Variants in LAT2 observed in about 807,000 individuals in gnomAD.
The protein encoded by LAT2 is linker for activation of T cells family member 2.
In LAT2, 23 loss-of-function variants were observed where a neutral mutation model predicts 43.4. That is an observed-to-expected ratio of 0.53 (90% CI 0.38 to 0.75). The LOEUF is 0.75. LAT2 is among the 30% of genes least tolerant of loss of function. LAT2 has a pLI of 0.00. For synonymous variants in LAT2, 128 were observed against 123.2 expected (o/e 1.04, Z -0.26); for missense variants, 284 against 310.2 (o/e 0.92, Z 0.64).
Position 74,224,669 on chromosome 7 carries a change from C to T in LAT2, c.659C>T (p.Pro220Leu), listed in dbSNP as rs781859231. Reference sequence around the variant, plus strand: ...CTCCAGAGAGAAGCATCCCCTGGCCCGGTGGGAAGCCCAGACGAGGAGGAC... The same window carrying T: ...CTCCAGAGAGAAGCATCCCCTGGCCTGGTGGGAAGCCCAGACGAGGAGGAC... ...GQLQREASPG[P>L]VGSPDEEDGE... Residue 220 changes from proline (P) to leucine (L), a missense_variant, in exon 13 of 14, where the codon CCG becomes CTG. Physicochemically the swap from Pro to Leu is moderately conservative, Grantham distance 98. Transcript: ENST00000460943. 13 of 1,607,188 alleles carry T rather than the reference C, an allele frequency of 8.1e-6. No homozygotes were observed. The highest frequency in any genetic ancestry group is 1.7e-5 in the Admixed American group (1 of 58,938).
intron 1 of LAT2, among the ~76,000 whole-genome samples, chr7:74,211,081 A>G (rs1387135194): frequency 2.6e-5 from 4 of 151,996 alleles, no homozygotes; most frequent in African/African-American, 9.7e-5. Context: ...ACTTCCCTTT[A>G]GTGCTATTTT....
At position 74,224,927 on chromosome 7, in the gene LAT2, C is replaced by T. The variant is rs994678910; in HGVS notation, c.*18+167C>T. ...AAGAGGGCAGCTTGGCGACTCTGTT[C>T]CTCTGTTCTGGCCAGGGGCGTCAGG... On this transcript the variant is annotated intron_variant, in intron 13 of 13. Transcript: ENST00000460943. The T allele has an allele frequency of 2.4e-5, 13 of 543,476 alleles. 1 individual carries two copies. Among genetic ancestry groups the T allele is most frequent in the Non-Finnish European group, 4.3e-5 (13 of 303,496 alleles). 33.7% of individuals were successfully genotyped at this position (543,476 alleles called of 1,614,324 possible).
chr7:74,216,106 T>A lies in LAT2; in HGVS notation c.94+37T>A, dbSNP rs782502547. 9.1e-6 allele frequency: 14 copies of A among 1,544,228 alleles called. No homozygotes were observed. The East Asian group carries it at 2.9e-4, about 32-fold the overall frequency. On this transcript the variant is annotated intron_variant, in intron 3 of 13. Coordinates refer to ENST00000460943, the MANE Select transcript of LAT2 (RefSeq NM_032464.3). ...TCTCGGGGACGTGATGGGGAGAAGG[T>A]GTGGACAGTGCATCTCAGAGGCCCT...
At chr7:74,218,745 G>A (rs1343829553) in intron 4 of LAT2, among the ~76,000 whole-genome samples, 2 of 152,202 alleles carry the variant, frequency 1.3e-5, no homozygotes, top group African/African-American at 4.8e-5. Flanking sequence ...TGTTCAGGCT[G>A]GAGTGCAGTA....
At chr7:74,222,434 C>T (rs1802324177) in intron 10 of LAT2, among the ~76,000 whole-genome samples, 1 of 151,370 alleles carries the variant, frequency 6.6e-6, no homozygotes, top group Admixed American at 6.6e-5. Flanking sequence ...AAAAGGGCAA[C>T]TGAGGACTCA....
chr7:74,214,331 TAAATATATATATATGA>T (rs1801890808), intron 1 of LAT2, among the ~76,000 whole-genome samples: 1 of 60,176 alleles, frequency 1.7e-5, no homozygotes. Context: ...AATATATATA[TAAATATATATATATGA>T]AAATATATAT....
At chr7:74,219,650 C>A in intron 4 of LAT2, 94 bp from the exon 5 acceptor site, 1 of 1,479,882 alleles carries the variant, frequency 6.8e-7, no homozygotes, top group Non-Finnish European at 9.4e-7. Context: ...CCTCTGCTTT[C>A]CCTCCTCATC....
intron 9 of LAT2, 35 bp from the exon 10 acceptor site, chr7:74,221,602 C>G: frequency 6.3e-7 from 1 of 1,594,814 alleles, no homozygotes. Context: ...TCCAGCCTGC[C>G]CTGAAACCTG....
intron 10 of LAT2, among the ~76,000 whole-genome samples, chr7:74,222,230 C>CAAAAAA (rs113312443): frequency 1.5e-5 from 1 of 65,608 alleles, no homozygotes; most frequent in African/African-American, 4.8e-5. Flanking sequence ...TACAAAAATA[C>CAAAAAA]AAAAAAAAAA....
At chr7:74,211,595 C>G (rs1554713170) in intron 1 of LAT2, among the ~76,000 whole-genome samples, 1 of 151,838 alleles carries the variant, frequency 6.6e-6, no homozygotes, top group African/African-American at 2.4e-5. Flanking sequence ...GTAGCTGAGA[C>G]TAGAGGCGCC....
chr7:74,213,493 C>T (rs184152575), intron 1 of LAT2, among the ~76,000 whole-genome samples: 58 of 146,780 alleles, frequency 4.0e-4, no homozygotes, highest in African/African-American at 1.3e-3. Flanking sequence ...GGCATGATCT[C>T]GGCCCACTGC....
chr7:74,222,679 T>A (rs1384124488), intron 10 of LAT2, among the ~76,000 whole-genome samples: 10 of 151,946 alleles, frequency 6.6e-5, no homozygotes, highest in Non-Finnish European at 1.2e-4. Context: ...GTTCAAGCGA[T>A]TTTCCTGCCT....
chr7:74,211,848 T>C (rs979344868), intron 1 of LAT2, among the ~76,000 whole-genome samples: 16 of 152,148 alleles, frequency 1.1e-4, no homozygotes, highest in African/African-American at 3.9e-4. Flanking sequence ...CGCCTCAGCC[T>C]CCCAAAGTGT....
In LAT2 at chr7:74,213,259, A is replaced by C. The variant is rs571740034; in HGVS notation, c.-218-1563A>C. 7.3e-5 allele frequency among the ~76,000 whole-genome samples: 11 copies of C among 150,090 alleles called. No individual in the cohort carries two copies. The East Asian group carries it at 2.0e-3, about 27-fold the overall frequency. ...CAGCCTCCTGAGTAGCTGGGATTAC[A>C]GGCGCCCACCACCACACCTGGCTAA... On this transcript the variant is annotated intron_variant, in intron 1 of 13. Coordinates refer to ENST00000460943, the MANE Select transcript of LAT2 (RefSeq NM_032464.3).
At chr7:74,210,811 T>C (rs1379210545) in intron 1 of LAT2, among the ~76,000 whole-genome samples, 1 of 151,898 alleles carries the variant, frequency 6.6e-6, no homozygotes, top group African/African-American at 2.4e-5. Flanking sequence ...AAAAATATAA[T>C]TAAAAACTAA....
Position 74,210,852 on chromosome 7 carries a change from T to G in LAT2, c.-219+764T>G, listed in dbSNP as rs571921057. ...AAAACCAACAGACCCCAGAGCAGAG[T>G]CCAGTGGATAAAGCCATCCAGGGCT... On this transcript the variant is annotated intron_variant, in intron 1 of 13. Transcript: ENST00000460943. Among the ~76,000 whole-genome samples, 12 of 151,610 alleles carry G rather than the reference T, an allele frequency of 7.9e-5. No individual in the cohort carries two copies. The East Asian group carries it at 2.3e-3, about 29-fold the overall frequency.
At chr7:74,214,762 A>G (rs1399427157) in intron 1 of LAT2, 60 bp from the exon 2 acceptor site, 1 of 82,486 alleles carries the variant, frequency 1.2e-5, no homozygotes, top group Non-Finnish European at 2.0e-5. Flanking sequence ...TATATATATA[A>G]ACATATATAT....
At chr7:74,213,639 A>T (rs190297745) in intron 1 of LAT2, among the ~76,000 whole-genome samples, 26 of 150,802 alleles carry the variant, frequency 1.7e-4, no homozygotes, top group Admixed American at 1.7e-3. Context: ...TGGTCAGGCT[A>T]GTCTCGAACT....
chr7:74,214,567 TATATGAAAATATATATATAA>T (rs1554713851), intron 1 of LAT2, among the ~76,000 whole-genome samples: 26 of 844 alleles, frequency 0.031, 10 homozygotes, highest in South Asian at 0.12. Context: ...AAAATATATA[TATATGAAAATATATATATAA>T]ATATATATAT....
Sources: allele counts gnomAD v4.1 joint callset (sites outside exome capture counted in the v4.1 genomes callset), GRCh38; gene constraint gnomAD v4.1.1; transcripts MANE v1.5; gene names NCBI Gene and HGNC (gene_info 2026-07-23, HGNC 2026-07-21).